CHD2: variants seen among roughly 807,000 people sequenced by gnomAD.
CHD2 encodes the protein ATP-dependent chromatin remodeler CHD2.
In CHD2, 28 loss-of-function variants were observed where a neutral mutation model predicts 243.9. That is an observed-to-expected ratio of 0.11 (90% CI 0.09 to 0.16). The LOEUF (loss-of-function observed/expected upper bound fraction) is 0.16. Ranked by LOEUF, CHD2 falls within the 10% of genes least tolerant of loss-of-function variation. The probability of loss-of-function intolerance (pLI) is 1.00; values close to 1 mark genes in which losing one functional copy is unlikely to be tolerated. For missense variants in CHD2, 1,386 were observed against 2,209.8 expected, an observed-to-expected ratio of 0.63 and a Z score of 7.47; for synonymous variants, 775 against 779.0, an observed-to-expected ratio of 0.99 and a Z score of 0.09.
At chr15:92,959,738 G>A (rs764913305) in intron 16 of CHD2, among the ~76,000 whole-genome samples, 5 of 152,142 alleles carry the variant, frequency 3.3e-5, no homozygotes, top group Non-Finnish European at 7.4e-5. Context: ...GTGATCCACC[G>A]TCCTTGGCCT....
chr15:92,908,023 T>G (rs1444920805), intron 2 of CHD2, among the ~76,000 whole-genome samples: 1 of 150,754 alleles, frequency 6.6e-6, no homozygotes, highest in Non-Finnish European at 1.5e-5. Flanking sequence ...TTTTTTTTTT[T>G]TTTTGAGAAG....
intron 3 of CHD2, among the ~76,000 whole-genome samples, chr15:92,925,014 TGGTCTTGAACTTCTGACCTCA>T (rs1235926932): frequency 6.6e-6 from 1 of 152,170 alleles, no homozygotes; most frequent in Non-Finnish European, 1.5e-5. Flanking sequence ...TTGGCCATTC[TGGTCTTGAACTTCTGACCTCA>T]GGTGATCCAC....
rs752795706 is a variant in CHD2, at chr15:92,967,771, C to T, written c.2189+258C>T. Among the ~76,000 whole-genome samples, 42 of 151,940 alleles carry T rather than the reference C, an allele frequency of 2.8e-4. 1 individual carries two copies. Among genetic ancestry groups the T allele is most frequent in the Non-Finnish European group, 4.0e-4 (27 of 67,942 alleles). On this transcript the variant is annotated intron_variant, in intron 17 of 38. Transcript: ENST00000394196. The stretch of plus-strand genomic sequence containing the variant: ...CTTGAACTCCCGACCTCAGGTGATC[C>T]GCCCACCTCGGCCTCCCAACGTTTT...
At chr15:92,995,206 CTG>C (rs2054171965) in intron 28 of CHD2, among the ~76,000 whole-genome samples, 1 of 152,182 alleles carries the variant, frequency 6.6e-6, no homozygotes, top group African/African-American at 2.4e-5. Flanking sequence ...ATTCCTTTCT[CTG>C]TGTGGTTAAT....
rs914496906 is a variant in CHD2, at chr15:92,957,312, C to T, written c.2000+663C>T. Among the ~76,000 whole-genome samples the T allele has an allele frequency of 7.2e-5, 11 of 152,204 alleles. No homozygotes were observed. In the South Asian group the frequency reaches 1.0e-3, roughly 14 times the overall value. On this transcript the variant is annotated intron_variant, in intron 16 of 38. Coordinates refer to ENST00000394196, the MANE Select transcript of CHD2 (RefSeq NM_001271.4). ...TAAACATGCCAAGCCATTACTATTC[C>T]TTCTTGACTAGAATTATATTTCTTC...
At chr15:92,991,691 A>G in intron 27 of CHD2, 174 bp downstream of exon 27, 2 of 486,006 alleles carry the variant, frequency 4.1e-6, no homozygotes, top group South Asian at 3.6e-5. Context: ...GTCTCTCTGC[A>G]GAGGGATGAC....
chr15:92,924,865 A>G (rs1178570092), intron 3 of CHD2, among the ~76,000 whole-genome samples: 5 of 152,124 alleles, frequency 3.3e-5, no homozygotes, highest in Admixed American at 2.0e-4. Context: ...CAGTGGCACG[A>G]TCTTGGCTCA....
chr15:92,944,803 C>G (rs1156229893), intron 10 of CHD2: 2 of 186,364 alleles, frequency 1.1e-5, no homozygotes, highest in Non-Finnish European at 2.2e-5. Flanking sequence ...GAGTGGAGAC[C>G]AAGAGCTTAG....
At chr15:92,974,736 G>A (rs543370911) in intron 19 of CHD2, 143 bp from the exon 20 acceptor site, 2 of 663,858 alleles carry the variant, frequency 3.0e-6, no homozygotes, top group Admixed American at 5.2e-5. Context: ...CTTAAGCACA[G>A]CTTCTTCATA....
At chr15:92,995,625 T>C (rs2054177770) in intron 28 of CHD2, among the ~76,000 whole-genome samples, 1 of 152,190 alleles carries the variant, frequency 6.6e-6, no homozygotes, top group South Asian at 2.1e-4. Flanking sequence ...TTCTACCATG[T>C]AGATAGATGT....
At chr15:92,960,631 GTGTT>G (rs1379419050) in intron 16 of CHD2, among the ~76,000 whole-genome samples, 1 of 146,404 alleles carries the variant, frequency 6.8e-6, no homozygotes, top group Non-Finnish European at 1.5e-5. Flanking sequence ...CTTGTTAACA[GTGTT>G]TGATACTTTC....
chr15:93,012,795 G>C (rs550606096), intron 36 of CHD2, among the ~76,000 whole-genome samples: 1 of 152,134 alleles, frequency 6.6e-6, no homozygotes, highest in Non-Finnish European at 1.5e-5. Context: ...TTCTTTTCTG[G>C]ACCATCTATT....
intron 37 of CHD2, among the ~76,000 whole-genome samples, chr15:93,016,369 A>G (rs1322807095): frequency 6.6e-6 from 1 of 152,206 alleles, no homozygotes; most frequent in Admixed American, 6.5e-5. Flanking sequence ...GAGAATTGGG[A>G]AGATATTAAC....
In CHD2 at chr15:92,960,705, G is replaced by GTTTTTTTTTT. The variant is rs71467745; in HGVS notation, c.2000+4074_2000+4083dup. Among the ~76,000 whole-genome samples, 4 of 51,452 alleles carry GTTTTTTTTTT rather than the reference G, an allele frequency of 7.8e-5. 1 individual carries two copies. Among genetic ancestry groups the GTTTTTTTTTT allele is most frequent in the Non-Finnish European group, 1.1e-4 (3 of 27,232 alleles). The allele number at this position is 51,452 out of a possible 152,430, so 33.8% of individuals were successfully genotyped here. A position where few individuals can be genotyped will look rare whatever the true frequency, so the allele number is the denominator to read the frequency against. ...TTAAAGATTTTTGCATCTGTTTGGT[G>GTTTTTTTTTT]TTTTTTTTTTTTTTTTTTTTTTTTT... On this transcript the variant is annotated intron_variant, in intron 16 of 38. Coordinates refer to ENST00000394196, the MANE Select transcript of CHD2 (RefSeq NM_001271.4).
chr15:92,985,546 C>G lies in CHD2; in HGVS notation c.3286C>G (p.Gln1096Glu). The change falls in exon 26 of 39, where the codon CAG becomes GAG. Residue 1096 changes from glutamine to glutamate, a missense_variant. Around this residue, in one of 19 missense-constraint regions of CHD2, gnomAD observed 99 missense variants for 206.4 expected, o/e 0.48. Transcript: ENST00000394196. ...TGACACTGAGTCTAAGAGGCAGGCCCAGAGATCCTCTGCTTCTGAGAGTGA... is the reference window on the plus strand; with the variant it reads ...TGACACTGAGTCTAAGAGGCAGGCCGAGAGATCCTCTGCTTCTGAGAGTGA... The part of the protein sequence containing the change: ...DSDTESKRQA[Q>E]RSSASESETE... 2 of 1,614,076 alleles carry G rather than the reference C, an allele frequency of 1.2e-6. No individual in the cohort carries two copies. Among genetic ancestry groups the G allele is most frequent in the Non-Finnish European group, 1.7e-6 (2 of 1,179,978 alleles).
At position 92,978,248 on chromosome 15, in the gene CHD2, G is replaced by C; in HGVS notation, c.2592G>C (p.Leu864=). The C allele has an allele frequency of 6.2e-7, 1 of 1,614,206 alleles. No individual in the cohort carries two copies. Among genetic ancestry groups the C allele is most frequent in the Non-Finnish European group, 8.5e-7 (1 of 1,180,030 alleles). ...NADGSEDFCF[L]LSTRAGGLGI... ...ATTGTGTACAGGACTTCTGTTTCCT[G>C]CTCTCGACAAGGGCTGGTGGCCTGG... The change falls in exon 21 of 39, where the codon CTG becomes CTC. Residue 864 remains leucine (L), a synonymous_variant. Transcript: ENST00000394196.
chr15:92,915,513 T>C, intron 2 of CHD2, among the ~76,000 whole-genome samples: 1 of 152,114 alleles, frequency 6.6e-6, no homozygotes, highest in Non-Finnish European at 1.5e-5. Context: ...CCTTGTGATC[T>C]GCCTGCCTCG....
At chr15:93,010,039 C>G (rs1464093588) in intron 35 of CHD2, among the ~76,000 whole-genome samples, 2 of 152,226 alleles carry the variant, frequency 1.3e-5, no homozygotes, top group African/African-American at 2.4e-5. Flanking sequence ...CCCTTCCCCC[C>G]AGAGTCCGTT....
intron 28 of CHD2, among the ~76,000 whole-genome samples, chr15:92,994,728 G>A (rs17525800): frequency 0.21 from 31,370 of 152,178 alleles, 3,902 homozygotes; most frequent in Middle Eastern, 0.32. Flanking sequence ...CCTTTTAAAT[G>A]GTAGTACAGC....
Sources: gnomAD v4.1 joint callset for allele counts (sites outside exome capture counted in the v4.1 genomes callset) on GRCh38, gnomAD v4.1.1 for gene constraint, gnomAD v4.1.1 regional missense constraint, MANE v1.5 for transcripts, NCBI Gene and HGNC (gene_info 2026-07-23, HGNC 2026-07-21) for gene names.